Variants in CSF2RB observed in about 807,000 individuals in gnomAD.
The protein encoded by CSF2RB is cytokine receptor common subunit beta.
CSF2RB carries 22 observed loss-of-function variants against 67.2 expected under a neutral mutation model. The ratio of observed to expected loss-of-function variants is 0.33; its 90% CI spans 0.23 to 0.47. The LOEUF (loss-of-function observed/expected upper bound fraction) is 0.47, where lower values mean the gene tolerates loss of function less well. Among genes scored for constraint, CSF2RB ranks in the 20% least tolerant of loss-of-function variants. The pLI is 1.00. For synonymous variants in CSF2RB, 507 were observed against 482.9 expected (o/e 1.05, Z -0.65); for missense variants, 1,113 against 1,174.5 (o/e 0.95, Z 0.76).
Position 36,922,203 on chromosome 22 carries a change from G to C in CSF2RB, c.-5G>C. On this transcript the variant is annotated 5_prime_UTR_variant, in exon 2 of 14. Transcript: ENST00000403662. The stretch of plus-strand genomic sequence containing the variant: ...GTGCCTGCCTGTCCAGAGCTGACCA[G>C]GGAGATGGTGCTGGCCCAGGGGCTG... 1.3e-6 allele frequency: 2 copies of C among 1,584,378 alleles called. No individual in the cohort carries two copies. The highest frequency in any genetic ancestry group is 1.7e-6 in the Non-Finnish European group (2 of 1,165,862).
In CSF2RB at chr22:36,923,892, G is replaced by A. The variant is rs918401478; in HGVS notation, c.200+525G>A. On this transcript the variant is annotated intron_variant, in intron 3 of 13. Coordinates refer to ENST00000403662, the MANE Select transcript of CSF2RB (RefSeq NM_000395.3). ...GTGGACGTGTCTGGGAGGGGGCTCCGCGCTCTCCCAGGCCCCCCCTCCGTA... is the reference window on the plus strand; with the variant it reads ...GTGGACGTGTCTGGGAGGGGGCTCCACGCTCTCCCAGGCCCCCCCTCCGTA... The A allele has an allele frequency of 4.7e-5, 40 of 850,502 alleles. No homozygotes were observed. In the Middle Eastern group the frequency reaches 7.9e-4, roughly 17 times the overall value. The allele number at this position is 850,502 out of a possible 1,614,324, so 52.7% of individuals were successfully genotyped here. A position where few individuals can be genotyped will look rare whatever the true frequency, so the allele number is the denominator to read the frequency against.
Position 36,938,958 on chromosome 22 carries a change from G to A in CSF2RB, c.*456G>A, listed in dbSNP as rs16997521. 3.5e-3 allele frequency: 2,087 copies of A among 601,090 alleles called. 32 individuals carry two copies. Among genetic ancestry groups the A allele is most frequent in the African/African-American group, 0.034 (1,830 of 54,014 alleles). The allele number at this position is 601,090 out of a possible 1,614,324, so 37.2% of individuals were successfully genotyped here. ...TGTGGGCTGCCTGTCCCCGGCAGTC[G>A]CTGATGCACATGACATGATTCTCAT... On this transcript the variant is annotated 3_prime_UTR_variant, in exon 14 of 14. Transcript: ENST00000403662.
At chr22:36,930,928 C>A in intron 8 of CSF2RB, 98 bp downstream of exon 8, 2 of 1,426,220 alleles carry the variant, frequency 1.4e-6, no homozygotes, top group Non-Finnish European at 9.8e-7. Context: ...GCCCCGTCTT[C>A]ATGTTTGTCA....
Position 36,929,044 on chromosome 22 carries a change from G to A in CSF2RB, c.392-358G>A, listed in dbSNP as rs554158622. Among the ~76,000 whole-genome samples the A allele has an allele frequency of 7.9e-5, 12 of 152,326 alleles. No individual in the cohort carries two copies. In the South Asian group the frequency reaches 1.0e-3, roughly 13 times the overall value. ...AGGGAGCTTGGACAGCAGGAGGGGG[G>A]AGGCCGCTGAACCGCAGGCCCCTCT... is the stretch of plus-strand genomic sequence containing the variant. On this transcript the variant is annotated intron_variant, in intron 4 of 13. Transcript: ENST00000403662.
At position 36,937,892 on chromosome 22, in the gene CSF2RB, T is replaced by A. The variant is rs1941305234; in HGVS notation, c.2084T>A (p.Ile695Lys). 1 of 1,614,146 alleles carries A rather than the reference T, an allele frequency of 6.2e-7. No individual in the cohort carries two copies. Reference sequence around the variant, plus strand: ...GACCAAAAGGACAGCCCTGTGGCTATACCCATGAGCTCTGGGGACACTGAG... The same window carrying A: ...GACCAAAAGGACAGCCCTGTGGCTAAACCCATGAGCTCTGGGGACACTGAG... Reference protein sequence around the residue: ...GQDQKDSPVAIPMSSGDTEDP... With the variant: ...GQDQKDSPVAKPMSSGDTEDP... Residue 695 changes from isoleucine to lysine, a missense_variant, in exon 14 of 14, where the codon ATA becomes AAA. Ile to Lys is a moderately radical substitution (Grantham distance 102). Transcript: ENST00000403662. This position sits in a 1 kb window ranked among gnomAD's most constrained non-coding sequence, Gnocchi z 4.6.
At chr22:36,914,290 G>A (rs1946648446) in intron 1 of CSF2RB, among the ~76,000 whole-genome samples, 1 of 152,150 alleles carries the variant, frequency 6.6e-6, no homozygotes, top group African/African-American at 2.4e-5. Flanking sequence ...TTGCTGCGCT[G>A]AGGCCCAGAG....
rs569631140 is a variant in CSF2RB at position 36,914,284 on chromosome 22, T to C, written c.-173+607T>C. Among the ~76,000 whole-genome samples the C allele has an allele frequency of 1.8e-4, 28 of 152,248 alleles. 1 individual carries two copies. Among genetic ancestry groups the C allele is most frequent in the Non-Finnish European group, 3.4e-4 (23 of 68,012 alleles). On this transcript the variant is annotated intron_variant, in intron 1 of 13. Coordinates refer to ENST00000403662, the MANE Select transcript of CSF2RB (RefSeq NM_000395.3). Reference sequence around the variant, plus strand: ...CAGAGGGTGAAACCTGGAAGCTTGCTGCGCTGAGGCCCAGAGCTGGGTGCG... The same window carrying C: ...CAGAGGGTGAAACCTGGAAGCTTGCCGCGCTGAGGCCCAGAGCTGGGTGCG...
chr22:36,935,244 T>C, intron 10 of CSF2RB, 107 bp from the exon 11 acceptor site: 2 of 1,005,912 alleles, frequency 2.0e-6, no homozygotes, highest in South Asian at 2.7e-5. Flanking sequence ...GCCCTGGGCC[T>C]GCACAGAGCG....
intron 1 of CSF2RB, among the ~76,000 whole-genome samples, chr22:36,916,567 G>T (rs1339614403): frequency 6.6e-6 from 1 of 152,088 alleles, no homozygotes; most frequent in Non-Finnish European, 1.5e-5. Flanking sequence ...TTTAGAATCA[G>T]TTTGCCAAGG....
At chr22:36,920,082 C>A (rs894856068) in intron 1 of CSF2RB, among the ~76,000 whole-genome samples, 3 of 152,156 alleles carry the variant, frequency 2.0e-5, no homozygotes, top group Non-Finnish European at 2.9e-5. Context: ...TTCTCATCTA[C>A]GAAGTGGAGC....
At chr22:36,925,126 A>T (rs939108402) in intron 3 of CSF2RB, among the ~76,000 whole-genome samples, 1 of 152,266 alleles carries the variant, frequency 6.6e-6, no homozygotes, top group South Asian at 2.1e-4. Context: ...TCTAAATGGG[A>T]GCTCCTAGTG....
rs1287817206 is a variant in CSF2RB, at chr22:36,939,921, G to T, written c.*1419G>T. ...CAGTGTTTGTCCTAATTTATATATT[G>T]TTTTTCTAGTTCATTTTGTGTTTCC... On this transcript the variant is annotated 3_prime_UTR_variant, in exon 14 of 14. Coordinates refer to ENST00000403662, the MANE Select transcript of CSF2RB (RefSeq NM_000395.3). 6.6e-6 allele frequency: 1 copy of T among 152,150 alleles called. No individual in the cohort carries two copies. Among genetic ancestry groups the T allele is most frequent in the Admixed American group, 6.5e-5 (1 of 15,276 alleles). 9.4% of individuals were successfully genotyped at this position (152,150 alleles called of 1,614,324 possible). A position where few individuals can be genotyped will look rare whatever the true frequency, so the allele number is the denominator to read the frequency against.
intron 9 of CSF2RB, among the ~76,000 whole-genome samples, chr22:36,933,373 C>A (rs937378838): frequency 1.8e-4 from 27 of 152,182 alleles, no homozygotes; most frequent in African/African-American, 6.3e-4. Flanking sequence ...CAACCCCACA[C>A]CTTCAGTCTA....
In CSF2RB at chr22:36,930,530, A is replaced by G. The variant is rs776815049; in HGVS notation, c.854+20A>G. On this transcript the variant is annotated intron_variant, in intron 7 of 13. Transcript: ENST00000403662. The stretch of plus-strand genomic sequence containing the variant: ...TGCAGGGTGAGCATCTTTTTTCTCC[A>G]TCCCCTCCCCTCCTCTTGGCCTTGC... The G allele has an allele frequency of 9.3e-6, 15 of 1,612,102 alleles. No homozygotes were observed. Among genetic ancestry groups the G allele is most frequent in the Admixed American group, 1.7e-5 (1 of 59,960 alleles).
At chr22:36,917,458 T>C (rs1478679013) in intron 1 of CSF2RB, among the ~76,000 whole-genome samples, 1 of 152,186 alleles carries the variant, frequency 6.6e-6, no homozygotes, top group African/African-American at 2.4e-5. Flanking sequence ...GAATGTAATA[T>C]GTGCATGTTT....
At chr22:36,915,484 A>C (rs1940698760) in intron 1 of CSF2RB, among the ~76,000 whole-genome samples, 2 of 151,428 alleles carry the variant, frequency 1.3e-5, no homozygotes, top group African/African-American at 4.8e-5. Context: ...AATATTTCCA[A>C]ATTTCTACAA....
At chr22:36,934,109 C>A in intron 10 of CSF2RB, 115 bp downstream of exon 10, 2 of 1,370,714 alleles carry the variant, frequency 1.5e-6, no homozygotes, top group Non-Finnish European at 1.0e-6. Flanking sequence ...GTAGGTGAGC[C>A]GTCTCCCCGA....
intron 11 of CSF2RB, 29 bp from the exon 12 acceptor site, chr22:36,935,601 A>T (rs374955120): frequency 5.6e-6 from 9 of 1,614,016 alleles, no homozygotes; most frequent in Non-Finnish European, 6.8e-6. Context: ...GAGGTCTCTG[A>T]TGGCTGTCAC....
At chr22:36,923,658 C>T in intron 3 of CSF2RB, 1 of 1,383,564 alleles carries the variant, frequency 7.2e-7, no homozygotes, top group Non-Finnish European at 9.6e-7. Context: ...CAATTTAACA[C>T]AATTGCCCCA....
Sources: allele counts gnomAD v4.1 joint callset (sites outside exome capture counted in the v4.1 genomes callset), GRCh38; gene constraint gnomAD v4.1.1; non-coding constraint Gnocchi (gnomAD v3.1); transcripts MANE v1.5; gene names NCBI Gene and HGNC (gene_info 2026-07-23, HGNC 2026-07-21).